Variants in TENM1 observed in about 807,000 individuals in gnomAD.
TENM1 encodes the protein teneurin-1.
In TENM1, 35 loss-of-function variants were observed where a neutral mutation model predicts 174.8. The ratio of observed to expected loss-of-function variants is 0.20; its 90% CI spans 0.15 to 0.27. TENM1 has a LOEUF of 0.27. Among genes scored for constraint, TENM1 ranks in the 10% least tolerant of loss-of-function variants. The pLI is 1.00. For synonymous variants in TENM1, 781 were observed against 798.7 expected (o/e 0.98, Z 0.37); for missense variants, 1,633 against 2,130.1 (o/e 0.77, Z 4.59).
At chrX:124,970,079 A>G in the TENM1 span, among the ~76,000 whole-genome samples, 1 of 111,656 alleles carries the variant, frequency 9.0e-6, no homozygotes, top group East Asian at 2.8e-4. Flanking sequence ...GAACTAAAAT[A>G]TTGTTTTGAA....
the TENM1 span, among the ~76,000 whole-genome samples, chrX:125,164,168 G>T: frequency 1.8e-5 from 2 of 111,738 alleles, no homozygotes; most frequent in Non-Finnish European, 3.8e-5. Context: ...TTACTTGACT[G>T]ATTTCAGCCA....
chrX:124,548,125 C>T (rs1269262358), intron 14 of TENM1, among the ~76,000 whole-genome samples: 2 of 112,143 alleles, frequency 1.8e-5, no homozygotes, highest in South Asian at 3.8e-4. Flanking sequence ...CGTGAGCAAC[C>T]GCACCCAGCC....
At chrX:124,931,258 C>CAAA (rs548457755) in intron 1 of TENM1, among the ~76,000 whole-genome samples, 1 of 74,200 alleles carries the variant, frequency 1.3e-5, no homozygotes, top group African/African-American at 4.5e-5. Flanking sequence ...AACACAAAAG[C>CAAA]AAAAAAAAAA....
chrX:124,996,273 G>A, the TENM1 span, among the ~76,000 whole-genome samples: 1 of 110,615 alleles, frequency 9.0e-6, no homozygotes, highest in East Asian at 2.8e-4. Flanking sequence ...CTAAGTCCCT[G>A]AAAATATTTT....
chrX:125,112,159 TGTGTGTGTGTGTGA>T, the TENM1 span, among the ~76,000 whole-genome samples: 1 of 108,826 alleles, frequency 9.2e-6, no homozygotes, highest in Non-Finnish European at 1.9e-5. Flanking sequence ...TGTGTGTGTG[TGTGTGTGTGTGTGA>T]GTGAGGGGAG....
At chrX:124,401,544 G>C (rs999315635) in intron 27 of TENM1, among the ~76,000 whole-genome samples, 5 of 112,190 alleles carry the variant, frequency 4.5e-5, no homozygotes, top group African/African-American at 1.6e-4. Flanking sequence ...TTATTCTTTG[G>C]ATGCTTACAA....
At chrX:124,658,463 C>CT (rs1333131018) in intron 6 of TENM1, among the ~76,000 whole-genome samples, 3 of 111,360 alleles carry the variant, frequency 2.7e-5, no homozygotes, top group Non-Finnish European at 5.7e-5. Flanking sequence ...AAACGTACAA[C>CT]TTTTTTTATT....
chrX:124,685,603 A>G (rs1302612347), intron 5 of TENM1, among the ~76,000 whole-genome samples: 1 of 100,743 alleles, frequency 9.9e-6, no homozygotes, highest in East Asian at 3.0e-4. Context: ...CTTGTTGCCC[A>G]GGCTGGAGTA....
chrX:125,116,545 C>T, the TENM1 span, among the ~76,000 whole-genome samples: 1 of 112,150 alleles, frequency 8.9e-6, no homozygotes, highest in Non-Finnish European at 1.9e-5. Flanking sequence ...AAGTAAAAAA[C>T]AAACATCCCC....
intron 1 of TENM1, among the ~76,000 whole-genome samples, chrX:124,939,038 AC>A (rs1011702987): frequency 5.4e-5 from 6 of 111,468 alleles, no homozygotes; most frequent in African/African-American, 2.0e-4. Context: ...GTATTTTTGA[AC>A]CCCAATCAGC....
At chrX:124,721,244 T>C (rs2053302282) in intron 4 of TENM1, among the ~76,000 whole-genome samples, 1 of 111,726 alleles carries the variant, frequency 9.0e-6, no homozygotes, top group African/African-American at 3.3e-5. Context: ...ACGGATATCC[T>C]GGGACCACTA....
At chrX:124,994,458 AG>A in the TENM1 span, among the ~76,000 whole-genome samples, 2 of 110,005 alleles carry the variant, frequency 1.8e-5, no homozygotes, top group African/African-American at 6.6e-5. Context: ...CTTATAGATT[AG>A]GAAACTGAGG....
exon 32 of TENM1, chrX:124,376,990 T>C (rs778216056): frequency 1.2e-4 from 13 of 110,954 alleles, no homozygotes; most frequent in Non-Finnish European, 1.7e-4. Flanking sequence ...AATACTTCGT[T>C]ACTGTACTTT....
At chrX:125,002,583 C>T in the TENM1 span, among the ~76,000 whole-genome samples, 13 of 111,131 alleles carry the variant, frequency 1.2e-4, no homozygotes, top group South Asian at 5.0e-3. Flanking sequence ...ACAGACTTGC[C>T]TTTAACCTGT....
At chrX:125,032,319 G>C in the TENM1 span, among the ~76,000 whole-genome samples, 1 of 110,095 alleles carries the variant, frequency 9.1e-6, no homozygotes, top group African/African-American at 3.3e-5. Context: ...ACAGGCATGA[G>C]CCACCACACC....
At chrX:124,643,756 A>G (rs1222252930) in intron 10 of TENM1, among the ~76,000 whole-genome samples, 1 of 110,365 alleles carries the variant, frequency 9.1e-6, no homozygotes, top group East Asian at 2.8e-4. Flanking sequence ...TATTCTACAG[A>G]TATTCTTAGT....
chrX:124,415,885 C>T (rs896221531), intron 25 of TENM1, among the ~76,000 whole-genome samples: 1 of 111,556 alleles, frequency 9.0e-6, no homozygotes. Context: ...ATTATCTTCT[C>T]TCTTCAGCAT....
chrX:124,384,892 G>A (rs2060201132), intron 29 of TENM1, 38 bp from the exon 33 acceptor site: 2 of 1,148,567 alleles, frequency 1.7e-6, no homozygotes, highest in Middle Eastern at 2.4e-4. Context: ...GAAGCTAGGC[G>A]ATCAATGTGG....
intron 11 of TENM1, among the ~76,000 whole-genome samples, chrX:124,592,909 T>C (rs1398251922): frequency 9.0e-6 from 1 of 111,151 alleles, no homozygotes; most frequent in Non-Finnish European, 1.9e-5. Flanking sequence ...TAGTTAGACC[T>C]ACAAGCCAGT....
Sources: gnomAD v4.1 joint callset for allele counts (sites outside exome capture counted in the v4.1 genomes callset) on GRCh38, gnomAD v4.1.1 for gene constraint, MANE v1.5 for transcripts, NCBI Gene and HGNC (gene_info 2026-07-23, HGNC 2026-07-21) for gene names.